The following PTPRN2 variants were observed in gnomAD, a reference collection of about 807,000 sequenced individuals.
The protein encoded by PTPRN2 is receptor-type tyrosine-protein phosphatase N2.
In PTPRN2, 74 loss-of-function variants were observed where a neutral mutation model predicts 118.8. That is an observed-to-expected ratio of 0.62 (90% CI 0.52 to 0.76). The LOEUF is 0.76. Among genes scored for constraint, PTPRN2 ranks in the 30% least tolerant of loss-of-function variants. The probability of loss-of-function intolerance (pLI) is 0.00; values close to 1 mark genes in which losing one functional copy is unlikely to be tolerated. For synonymous variants in PTPRN2, 641 were observed against 608.0 expected (o/e 1.05, Z -0.80); for missense variants, 1,481 against 1,394.4 (o/e 1.06, Z -0.99).
chr7:157,902,770 TC>T (rs1797547406), intron 11 of PTPRN2, among the ~76,000 whole-genome samples: 1 of 152,136 alleles, frequency 6.6e-6, no homozygotes, highest in Admixed American at 6.5e-5. Flanking sequence ...AAATACAAGA[TC>T]ATCTGAGGTG....
chr7:157,577,572 A>T (rs1482010877), intron 18 of PTPRN2, among the ~76,000 whole-genome samples: 3 of 152,204 alleles, frequency 2.0e-5, no homozygotes, highest in Non-Finnish European at 4.4e-5. Context: ...CGGGGAGGCC[A>T]CACGGCTCAG....
intron 3 of PTPRN2, among the ~76,000 whole-genome samples, chr7:158,210,131 CTTTTT>C (rs869191127): frequency 1.3e-4 from 14 of 108,662 alleles, no homozygotes; most frequent in Admixed American, 7.2e-4. Context: ...AATGATGCAT[CTTTTT>C]TTTTTTTTTT....
intron 12 of PTPRN2, among the ~76,000 whole-genome samples, chr7:157,872,695 T>A (rs1283376978): frequency 3.9e-5 from 6 of 152,258 alleles, no homozygotes; most frequent in African/African-American, 1.2e-4. Flanking sequence ...TGGGGCAGGC[T>A]CCATCTTGCA....
At chr7:157,980,518 G>A (rs7799401) in intron 11 of PTPRN2, among the ~76,000 whole-genome samples, 51,886 of 152,062 alleles carry the variant, frequency 0.34, 9,160 homozygotes, top group South Asian at 0.44. Flanking sequence ...TTGGGAGGCC[G>A]AGGTGGGGAG....
rs374358743 is a variant in PTPRN2, at chr7:158,430,807, G to A, written c.163+58928C>T. On this transcript the variant is annotated intron_variant, in intron 2 of 22. Coordinates refer to ENST00000389418, the MANE Select transcript of PTPRN2 (RefSeq NM_002847.5). ...TCACCCCCGCTATGAGAGAAACACC[G>A]GGTGACTGACCTGGAGTGAAAACAG... Among the ~76,000 whole-genome samples the A allele has an allele frequency of 6.6e-5, 10 of 152,340 alleles. No individual in the cohort carries two copies. The East Asian group carries it at 7.7e-4, about 12-fold the overall frequency.
chr7:158,187,053 A>G (rs1305186621), intron 5 of PTPRN2, among the ~76,000 whole-genome samples: 3 of 152,246 alleles, frequency 2.0e-5, no homozygotes, highest in African/African-American at 7.2e-5. Flanking sequence ...TGGTGCTACC[A>G]CAGTCAATAA....
intron 3 of PTPRN2, among the ~76,000 whole-genome samples, chr7:158,262,328 A>G (rs950495403): frequency 1.3e-5 from 2 of 151,242 alleles, no homozygotes; most frequent in African/African-American, 2.4e-5. Context: ...ACACATTCAC[A>G]CACACTGCAC....
intron 22 of PTPRN2, among the ~76,000 whole-genome samples, chr7:157,544,889 TGTA>T (rs1459899631): frequency 6.6e-6 from 1 of 150,998 alleles, no homozygotes. Flanking sequence ...TGTGTGGGTG[TGTA>T]GGTGTGTGTG....
chr7:157,927,175 G>A lies in PTPRN2; in HGVS notation c.1724-28438C>T, dbSNP rs1373613546. On this transcript the variant is annotated intron_variant, in intron 11 of 22. Coordinates refer to ENST00000389418, the MANE Select transcript of PTPRN2 (RefSeq NM_002847.5). Reference sequence around the variant, plus strand: ...GGAAGCCCCAGGGACCCGTCTGAGAGCAGAGGCCTCGCGTCTTCTGGGACC... The same window carrying A: ...GGAAGCCCCAGGGACCCGTCTGAGAACAGAGGCCTCGCGTCTTCTGGGACC... Among the ~76,000 whole-genome samples the A allele has an allele frequency of 3.6e-3, 421 of 117,700 alleles. 59 individuals carry two copies. The highest frequency in any genetic ancestry group is 4.0e-3 in the African/African-American group (105 of 26,098). The allele number at this position is 117,700 out of a possible 152,430, so 77.2% of individuals were successfully genotyped here.
intron 12 of PTPRN2, among the ~76,000 whole-genome samples, chr7:157,686,477 G>A (rs1298494981): frequency 3.9e-5 from 6 of 152,124 alleles, no homozygotes; most frequent in Non-Finnish European, 5.9e-5. Context: ...AAAGAAATGA[G>A]TTTAAAAGTG....
At chr7:158,135,699 C>A (rs532007300) in intron 8 of PTPRN2, among the ~76,000 whole-genome samples, 1 of 152,292 alleles carries the variant, frequency 6.6e-6, no homozygotes, top group South Asian at 2.1e-4. Flanking sequence ...TGTTTCTCAG[C>A]CCCACTTCTC....
chr7:157,917,926 C>T (rs1451554304), intron 11 of PTPRN2, among the ~76,000 whole-genome samples: 3 of 152,086 alleles, frequency 2.0e-5, no homozygotes, highest in Admixed American at 2.0e-4. Flanking sequence ...TTGGCTTTCC[C>T]AACGCAAATT....
chr7:157,570,524 A>G (rs1032640385), intron 20 of PTPRN2, among the ~76,000 whole-genome samples: 2 of 152,352 alleles, frequency 1.3e-5, no homozygotes, highest in Admixed American at 1.3e-4. Context: ...ACAGTTCTAG[A>G]AAAATGGAAT....
chr7:158,134,125 A>C (rs1818613610), intron 8 of PTPRN2, 66 bp from the exon 9 acceptor site: 1 of 1,535,552 alleles, frequency 6.5e-7, no homozygotes, highest in Non-Finnish European at 8.8e-7. Flanking sequence ...CATGCAATCA[A>C]GGGCTGCCCG....
Position 157,674,730 on chromosome 7 carries a change from G to A in PTPRN2, c.2001+7995C>T, listed in dbSNP as rs543340119. 3.9e-5 allele frequency among the ~76,000 whole-genome samples: 6 copies of A among 152,344 alleles called. No homozygotes were observed. In the East Asian group the frequency reaches 5.8e-4, roughly 15 times the overall value. On this transcript the variant is annotated intron_variant, in intron 13 of 22. Transcript: ENST00000389418. This position sits in a 1 kb window ranked among gnomAD's most constrained non-coding sequence, Gnocchi z 4.5. ...CCTCGGCCCCAAGGTGAGGCCCCGC[G>A]CAGGTACCTCTGTACACGCCTGTGG... is the stretch of plus-strand genomic sequence containing the variant.
At chr7:157,662,955 G>A (rs1020223661) in intron 13 of PTPRN2, among the ~76,000 whole-genome samples, 3 of 152,230 alleles carry the variant, frequency 2.0e-5, no homozygotes, top group Admixed American at 6.5e-5. Context: ...CACGCAGCAC[G>A]GTTCAGTCAG....
intron 3 of PTPRN2, among the ~76,000 whole-genome samples, chr7:158,300,290 G>GC (rs1800791761): frequency 6.6e-6 from 1 of 152,196 alleles, no homozygotes; most frequent in Admixed American, 6.5e-5. Flanking sequence ...TGGAGTCAAG[G>GC]CCATAAAGCA....
rs1243705114 is a variant in PTPRN2 at position 158,089,233 on chromosome 7, G to C, written c.1644-7856C>G. On this transcript the variant is annotated intron_variant, in intron 10 of 22. Coordinates refer to ENST00000389418, the MANE Select transcript of PTPRN2 (RefSeq NM_002847.5). ...TTCACACAAACCTTCTTCCCCTGAG[G>C]AAAGAGGGAGTCTTCACACAAACCT... Among the ~76,000 whole-genome samples, 12 of 30,778 alleles carry C rather than the reference G, an allele frequency of 3.9e-4. 2 individuals carry two copies. Among genetic ancestry groups the C allele is most frequent in the African/African-American group, 8.3e-4 (12 of 14,468 alleles). 20.2% of individuals were successfully genotyped at this position (30,778 alleles called of 152,430 possible).
intron 11 of PTPRN2, among the ~76,000 whole-genome samples, chr7:157,991,176 CA>C (rs1804227027): frequency 1.3e-5 from 2 of 152,320 alleles, no homozygotes; most frequent in East Asian, 3.9e-4. Context: ...CAGCACAGGG[CA>C]ACAGGCTGGG....
Sources: allele counts gnomAD v4.1 joint callset (sites outside exome capture counted in the v4.1 genomes callset), GRCh38; gene constraint gnomAD v4.1.1; non-coding constraint Gnocchi (gnomAD v3.1); transcripts MANE v1.5; gene names NCBI Gene and HGNC (gene_info 2026-07-23, HGNC 2026-07-21).